The following GRID2 variants were observed in gnomAD, a reference collection of about 807,000 sequenced individuals.
The protein encoded by GRID2 is glutamate ionotropic receptor delta type subunit 2.
In GRID2, 33 loss-of-function variants were observed where a neutral mutation model predicts 114.8. The ratio of observed to expected loss-of-function variants is 0.29; its 90% CI spans 0.22 to 0.38. The LOEUF (loss-of-function observed/expected upper bound fraction) is 0.38. Among genes scored for constraint, GRID2 ranks in the 10% least tolerant of loss-of-function variants. GRID2 has a pLI of 1.00. For synonymous variants in GRID2, 505 were observed against 449.9 expected, an observed-to-expected ratio of 1.12 and a Z score of -1.55; for missense variants, 1,184 against 1,257.7, an observed-to-expected ratio of 0.94 and a Z score of 0.89.
intron 13 of GRID2, among the ~76,000 whole-genome samples, chr4:93,523,649 C>T (rs2149501662): frequency 6.6e-6 from 1 of 152,140 alleles, no homozygotes; most frequent in South Asian, 2.1e-4. Context: ...TGTAGGTTGG[C>T]AGGAGGGGTG....
chr4:93,090,971 C>T (rs559492107), intron 3 of GRID2, among the ~76,000 whole-genome samples: 86 of 152,168 alleles, frequency 5.7e-4, no homozygotes, highest in African/African-American at 2.0e-3. Context: ...TGATTAGGTC[C>T]GTCCTCATTG....
In GRID2 at chr4:93,552,820, T is replaced by C. The variant is rs573404295; in HGVS notation, c.2193+37409T>C. On this transcript the variant is annotated intron_variant, in intron 13 of 15. Coordinates refer to ENST00000282020, the MANE Select transcript of GRID2 (RefSeq NM_001510.4). ...CCCAATAGGCCCCAGTGTGTGATGTTCCCCTCCCTGTGTCCATGTGTTCTC... is the reference window on the plus strand; with the variant it reads ...CCCAATAGGCCCCAGTGTGTGATGTCCCCCTCCCTGTGTCCATGTGTTCTC... Among the ~76,000 whole-genome samples the C allele has an allele frequency of 2.9e-4, 42 of 146,178 alleles. 1 individual carries two copies. Among genetic ancestry groups the C allele is most frequent in the Admixed American group, 5.5e-4 (8 of 14,616 alleles).
In GRID2 at chr4:92,951,255, GT is replaced by G. The variant is rs955072091; in HGVS notation, c.245-133734del. ...AAGTTTTCTACTTATTAAATATCTTGTTTTTTGAATAAAAGGAACTTAACAA... is the reference window on the plus strand; with the variant it reads ...AAGTTTTCTACTTATTAAATATCTTGTTTTTGAATAAAAGGAACTTAACAA... On this transcript the variant is annotated intron_variant, in intron 2 of 15. Transcript: ENST00000282020. Among the ~76,000 whole-genome samples, 211 of 151,802 alleles carry G rather than the reference GT, an allele frequency of 1.4e-3. 1 individual carries two copies. Among genetic ancestry groups the G allele is most frequent in the Non-Finnish European group, 4.6e-4 (31 of 67,900 alleles).
intron 2 of GRID2, among the ~76,000 whole-genome samples, chr4:92,923,171 TG>T (rs1484471957): frequency 6.6e-6 from 1 of 152,344 alleles, no homozygotes; most frequent in South Asian, 2.1e-4. Flanking sequence ...TAATGCATAT[TG>T]GTTTAAATTT....
At chr4:93,129,876 G>T (rs747794522) in intron 4 of GRID2, among the ~76,000 whole-genome samples, 79 of 152,140 alleles carry the variant, frequency 5.2e-4, no homozygotes, top group Non-Finnish European at 1.0e-3. Flanking sequence ...TGAGGTTGAA[G>T]GTTGGATCGT....
intron 13 of GRID2, among the ~76,000 whole-genome samples, chr4:93,565,367 A>C (rs1173372536): frequency 6.6e-6 from 1 of 152,156 alleles, no homozygotes; most frequent in African/African-American, 2.4e-5. Flanking sequence ...CCATTGGAGA[A>C]ACTAGGCAAA....
intron 1 of GRID2, among the ~76,000 whole-genome samples, chr4:92,421,715 G>A (rs1664079124): frequency 6.6e-6 from 1 of 152,068 alleles, no homozygotes; most frequent in Admixed American, 6.6e-5. Flanking sequence ...TCTGATGTAG[G>A]TTTAGAGAGT....
intron 8 of GRID2, among the ~76,000 whole-genome samples, chr4:93,256,099 T>C (rs757587227): frequency 7.9e-5 from 12 of 152,122 alleles, no homozygotes; most frequent in Non-Finnish European, 1.8e-4. Context: ...CTTCCTATTC[T>C]TTTGACTTTC....
Position 92,829,881 on chromosome 4 carries a change from A to G in GRID2, c.244+239595A>G, listed in dbSNP as rs532162828. ...CTCACTGATAAGTTGGAGTTGAACA[A>G]TAAGAACATATGGACACAAGGAGGG... On this transcript the variant is annotated intron_variant, in intron 2 of 15. Transcript: ENST00000282020. Among the ~76,000 whole-genome samples the G allele has an allele frequency of 8.5e-5, 13 of 152,194 alleles. No individual in the cohort carries two copies. The South Asian group carries it at 2.3e-3, about 27-fold the overall frequency.
intron 2 of GRID2, among the ~76,000 whole-genome samples, chr4:92,679,733 A>G (rs913390923): frequency 2.6e-5 from 4 of 152,034 alleles, no homozygotes; most frequent in African/African-American, 9.7e-5. Context: ...GAAAACTGTC[A>G]TCATTCAGCT....
intron 4 of GRID2, among the ~76,000 whole-genome samples, chr4:93,165,797 A>G (rs1738195034): frequency 1.3e-5 from 2 of 152,144 alleles, no homozygotes; most frequent in African/African-American, 4.8e-5. Context: ...GGTGCTTCTT[A>G]AAGCTTGGAA....
chr4:93,264,757 G>GATAT (rs10567648), intron 8 of GRID2, among the ~76,000 whole-genome samples: 4 of 136,878 alleles, frequency 2.9e-5, no homozygotes, highest in East Asian at 2.1e-4. Context: ...TCATTTGAAT[G>GATAT]ATATATATAT....
intron 1 of GRID2, among the ~76,000 whole-genome samples, chr4:92,398,056 C>A (rs759803714): frequency 3.3e-5 from 5 of 152,026 alleles, no homozygotes; most frequent in Admixed American, 6.6e-5. Flanking sequence ...CACACACACA[C>A]AAAATAATAT....
chr4:92,443,144 C>G (rs1162950544), intron 1 of GRID2, among the ~76,000 whole-genome samples: 11 of 152,052 alleles, frequency 7.2e-5, no homozygotes, highest in African/African-American at 1.4e-4. Context: ...ACGAGTTGCA[C>G]TGGGCACAGA....
intron 2 of GRID2, among the ~76,000 whole-genome samples, chr4:92,752,831 G>T (rs1407209847): frequency 6.6e-6 from 1 of 152,176 alleles, no homozygotes; most frequent in African/African-American, 2.4e-5. Flanking sequence ...AACTTTGTGT[G>T]TGTACATATA....
intron 2 of GRID2, among the ~76,000 whole-genome samples, chr4:92,756,594 C>T (rs901914483): frequency 6.6e-6 from 1 of 152,130 alleles, no homozygotes; most frequent in Non-Finnish European, 1.5e-5. Flanking sequence ...TTCTCTGCAT[C>T]TTTGCCAGTA....
chr4:92,837,012 T>C (rs1742505995), intron 2 of GRID2, among the ~76,000 whole-genome samples: 1 of 152,100 alleles, frequency 6.6e-6, no homozygotes, highest in Non-Finnish European at 1.5e-5. Flanking sequence ...TAGGTCCTGC[T>C]GCTGGCTGCA....
chr4:93,034,827 C>T (rs1381036051), intron 2 of GRID2, among the ~76,000 whole-genome samples: 2 of 152,118 alleles, frequency 1.3e-5, no homozygotes, highest in Non-Finnish European at 2.9e-5. Context: ...CTCAGAGTCT[C>T]TCCATAAACT....
intron 1 of GRID2, among the ~76,000 whole-genome samples, chr4:92,491,866 A>C (rs2149114239): frequency 6.6e-6 from 1 of 152,246 alleles, no homozygotes; most frequent in African/African-American, 2.4e-5. Flanking sequence ...TACTTTTTGG[A>C]GATATGCATT....
Sources: gnomAD v4.1 joint callset for allele counts (sites outside exome capture counted in the v4.1 genomes callset) on GRCh38, gnomAD v4.1.1 for gene constraint, MANE v1.5 for transcripts, NCBI Gene and HGNC (gene_info 2026-07-23, HGNC 2026-07-21) for gene names.